FAM91A1: variants seen among roughly 807,000 people sequenced by gnomAD.
The protein encoded by FAM91A1 is protein FAM91A1.
A neutral mutation model predicts 113.5 loss-of-function variants in FAM91A1; 41 were observed. That is an observed-to-expected ratio of 0.36 (90% CI 0.28 to 0.47). The LOEUF is 0.47. FAM91A1 is among the 20% of genes least tolerant of loss of function. The pLI, the probability that FAM91A1 is intolerant of heterozygous loss-of-function variation, is 1.00. For synonymous variants in FAM91A1, 307 were observed against 347.9 expected, an observed-to-expected ratio of 0.88 and a Z score of 1.31; for missense variants, 696 against 1,001.2, an observed-to-expected ratio of 0.70 and a Z score of 4.11.
Position 123,768,616 on chromosome 8 carries a change from C to T in FAM91A1, c.-87C>T. ...GTGAGGCGCGGGGCCTCCCGCGTCG[C>T]TCCGCTGACAGGCTGCGGGCGGGCA... On this transcript the variant is annotated 5_prime_UTR_variant, in exon 1 of 24. Coordinates refer to ENST00000334705, the MANE Select transcript of FAM91A1 (RefSeq NM_144963.4). 1 of 1,255,508 alleles carries T rather than the reference C, an allele frequency of 8.0e-7. No homozygotes were observed. The highest frequency in any genetic ancestry group is 1.1e-6 in the Non-Finnish European group (1 of 919,496). 77.8% of individuals were successfully genotyped at this position (1,255,508 alleles called of 1,614,324 possible). A position where few individuals can be genotyped will look rare whatever the true frequency, so the allele number is the denominator to read the frequency against.
intron 18 of FAM91A1, among the ~76,000 whole-genome samples, chr8:123,801,660 A>G (rs914992504): frequency 1.3e-5 from 2 of 152,212 alleles, no homozygotes; most frequent in Non-Finnish European, 2.9e-5. Flanking sequence ...CTTAAAAAGA[A>G]CTATCCAGTC....
chr8:123,784,322 G>A, intron 8 of FAM91A1, 148 bp from the exon 9 acceptor site: 1 of 520,730 alleles, frequency 1.9e-6, no homozygotes, highest in Non-Finnish European at 3.3e-6. Context: ...TAGAGTTTCA[G>A]AAAACTTGCT....
At chr8:123,774,372 T>A (rs1814929225) in intron 2 of FAM91A1, among the ~76,000 whole-genome samples, 1 of 152,136 alleles carries the variant, frequency 6.6e-6, no homozygotes, top group African/African-American at 2.4e-5. Flanking sequence ...ATTTTTAGAG[T>A]ACTGTTTATG....
intron 16 of FAM91A1, among the ~76,000 whole-genome samples, chr8:123,799,295 C>G (rs1297109670): frequency 2.6e-5 from 4 of 152,190 alleles, no homozygotes; most frequent in Non-Finnish European, 5.9e-5. Context: ...AGATTCCAAA[C>G]TAGGCAGTCT....
intron 22 of FAM91A1, among the ~76,000 whole-genome samples, chr8:123,809,299 A>C (rs780596033): frequency 1.5e-4 from 23 of 152,200 alleles, no homozygotes; most frequent in Non-Finnish European, 3.2e-4. Context: ...GCATGCTGAT[A>C]TGGAGTATGA....
At chr8:123,794,283 T>A (rs1414970300) in intron 15 of FAM91A1, among the ~76,000 whole-genome samples, 1 of 152,202 alleles carries the variant, frequency 6.6e-6, no homozygotes, top group African/African-American at 2.4e-5. Flanking sequence ...TCAAAGAAGT[T>A]AAGGAAAAGT....
chr8:123,810,213 A>G, intron 22 of FAM91A1, 69 bp from the exon 23 acceptor site: 1 of 1,458,350 alleles, frequency 6.9e-7, no homozygotes. Flanking sequence ...CTAAAATTAA[A>G]CTCTTATGAG....
At chr8:123,809,956 C>A (rs1586398481) in intron 22 of FAM91A1, among the ~76,000 whole-genome samples, 1 of 152,132 alleles carries the variant, frequency 6.6e-6, no homozygotes, top group Non-Finnish European at 1.5e-5. Context: ...GTTGTCATTC[C>A]TCAGAGTGCC....
At chr8:123,805,223 A>G (rs777776858) in intron 18 of FAM91A1, 44 bp from the exon 19 acceptor site, 7 of 1,454,612 alleles carry the variant, frequency 4.8e-6, no homozygotes, top group African/African-American at 1.4e-5. Context: ...AGTGATTGGA[A>G]ATGAAGGTTT....
At chr8:123,780,416 T>A in intron 7 of FAM91A1, 64 bp from the exon 8 acceptor site, 1 of 1,288,788 alleles carries the variant, frequency 7.8e-7, no homozygotes, top group Admixed American at 2.2e-5. Context: ...CAGGAATTAG[T>A]TTTTTTAAAA....
At chr8:123,801,595 AGCT>A (rs1815683470) in intron 18 of FAM91A1, among the ~76,000 whole-genome samples, 1 of 152,214 alleles carries the variant, frequency 6.6e-6, no homozygotes, top group African/African-American at 2.4e-5. Context: ...TGGTGGGAAA[AGCT>A]GCATAAGCAC....
chr8:123,808,234 C>T (rs1815858851), intron 20 of FAM91A1, 38 bp from the exon 21 acceptor site: 1 of 1,548,052 alleles, frequency 6.5e-7, no homozygotes, highest in Non-Finnish European at 8.9e-7. Context: ...CTGCTAACTG[C>T]TAGAATCCTA....
rs150595265 is a variant in FAM91A1, at chr8:123,799,976, C to T, written c.1809+91C>T. Reference sequence around the variant, plus strand: ...TATTGAGTTGCAATAAAATGTCAGTCATTTGAAATTTATGAAGTTGAAATG... The same window carrying T: ...TATTGAGTTGCAATAAAATGTCAGTTATTTGAAATTTATGAAGTTGAAATG... On this transcript the variant is annotated intron_variant, in intron 18 of 23. Transcript: ENST00000334705. 1.6e-4 allele frequency: 164 copies of T among 1,058,018 alleles called. No individual in the cohort carries two copies. In the African/African-American group the frequency reaches 2.4e-3, roughly 15 times the overall value. 65.5% of individuals were successfully genotyped at this position (1,058,018 alleles called of 1,614,324 possible). A position where few individuals can be genotyped will look rare whatever the true frequency, so the allele number is the denominator to read the frequency against.
intron 6 of FAM91A1, among the ~76,000 whole-genome samples, chr8:123,779,761 C>T (rs1003061008): frequency 6.6e-6 from 1 of 152,146 alleles, no homozygotes; most frequent in African/African-American, 2.4e-5. Context: ...AATGTTGGTA[C>T]TTACAGTAAG....
chr8:123,768,565 A>G lies in FAM91A1; in HGVS notation c.-138A>G. Reference sequence around the variant, plus strand: ...CGCTGAACTGTCGGGAGCCTAGGCCATGGGGCAGCCTGGGCCTTCTGCAGT... The same window carrying G: ...CGCTGAACTGTCGGGAGCCTAGGCCGTGGGGCAGCCTGGGCCTTCTGCAGT... On this transcript the variant is annotated 5_prime_UTR_variant, in exon 1 of 24. The change abolishes an upstream ATG in the 5' untranslated region. Coordinates refer to ENST00000334705, the MANE Select transcript of FAM91A1 (RefSeq NM_144963.4). 1.5e-6 allele frequency: 1 copy of G among 685,710 alleles called. No homozygotes were observed. The highest frequency in any genetic ancestry group is 2.4e-6 in the Non-Finnish European group (1 of 425,056). The allele number at this position is 685,710 out of a possible 1,614,324, so 42.5% of individuals were successfully genotyped here.
At position 123,784,471 on chromosome 8, in the gene FAM91A1, T is replaced by C; in HGVS notation, c.705T>C (p.Val235=). 6.3e-7 allele frequency: 1 copy of C among 1,598,358 alleles called. No homozygotes were observed. The highest frequency in any genetic ancestry group is 8.5e-7 in the Non-Finnish European group (1 of 1,173,190). ...AAAAATCTCTTCTGTTTGTTTTAGT[T>C]CCACCTCTTGAAGGTTTTGTAATGA... is the stretch of plus-strand genomic sequence containing the variant. ...VPISDDSCIA[V]PPLEGFVMNR... Residue 235 remains valine (V), a splice_region_variant and synonymous_variant, in exon 9 of 24, where the codon GTT becomes GTC. Transcript: ENST00000334705.
rs1815881029 is a variant in FAM91A1 at position 123,808,952 on chromosome 8, A to T, written c.2197A>T (p.Ser733Cys). The T allele has an allele frequency of 6.2e-7, 1 of 1,612,894 alleles. No homozygotes were observed. Among genetic ancestry groups the T allele is most frequent in the Admixed American group, 1.7e-5 (1 of 59,972 alleles). ...LELCFGIPLF[S>C]SELNRKVCRK... is the part of the protein sequence containing the mutation. ...GCTGTGCTTTGGAATTCCACTGTTC[A>T]GTTCCGAATTAAACCGGAAAGTTTG... The change falls in exon 22 of 24, where the codon AGT becomes TGT. Residue 733 changes from serine to cysteine, a missense_variant. Physicochemically the swap from Ser to Cys is moderately radical, Grantham distance 112. Coordinates refer to ENST00000334705, the MANE Select transcript of FAM91A1 (RefSeq NM_144963.4).
Position 123,814,344 on chromosome 8 carries a change from T to C in FAM91A1, c.*1640T>C, listed in dbSNP as rs766588646. On this transcript the variant is annotated 3_prime_UTR_variant, in exon 24 of 24. Transcript: ENST00000334705. ...GTTTTTCAGCTGAAAGTTGTAAGTA[T>C]TTTTTTTTTTTGATCGGGGCTCTTT... 329 of 148,210 alleles carry C rather than the reference T, an allele frequency of 2.2e-3. 2 individuals are homozygous for C. Among genetic ancestry groups the C allele is most frequent in the Non-Finnish European group, 3.3e-3 (220 of 67,436 alleles). The allele number at this position is 148,210 out of a possible 1,614,324, so 9.2% of individuals were successfully genotyped here. A position where few individuals can be genotyped will look rare whatever the true frequency, so the allele number is the denominator to read the frequency against.
chr8:123,815,003 G>A lies in FAM91A1; in HGVS notation c.*2299G>A, dbSNP rs1169970477. On this transcript the variant is annotated 3_prime_UTR_variant, in exon 24 of 24. Coordinates refer to ENST00000334705, the MANE Select transcript of FAM91A1 (RefSeq NM_144963.4). ...GCTTCCTTAATGTAATTTAAACCCTGGCAAACATTCTTTAGAAACCAAGAG... is the reference window on the plus strand; with the variant it reads ...GCTTCCTTAATGTAATTTAAACCCTAGCAAACATTCTTTAGAAACCAAGAG... 1 of 152,198 alleles carries A rather than the reference G, an allele frequency of 6.6e-6. No individual in the cohort carries two copies. The highest frequency in any genetic ancestry group is 1.9e-4 in the East Asian group (1 of 5,166). The allele number at this position is 152,198 out of a possible 1,614,324, so 9.4% of individuals were successfully genotyped here.
Sources: allele counts gnomAD v4.1 joint callset (sites outside exome capture counted in the v4.1 genomes callset), GRCh38; gene constraint gnomAD v4.1.1; transcripts MANE v1.5; gene names NCBI Gene and HGNC (gene_info 2026-07-23, HGNC 2026-07-21).